Variants in DLG1 observed in about 807,000 individuals in gnomAD.
DLG1 encodes the protein disks large homolog 1.
In DLG1, 42 loss-of-function variants were observed where a neutral mutation model predicts 123.4. The ratio of observed to expected loss-of-function variants is 0.34; its 90% CI spans 0.27 to 0.44. The LOEUF is 0.44. DLG1 is among the 20% of genes least tolerant of loss of function. The pLI is 1.00. For missense variants in DLG1, 942 were observed against 1,082.6 expected (o/e 0.87, Z 1.82); for synonymous variants, 317 against 356.2 (o/e 0.89, Z 1.24).
chr3:197,284,109 C>T (rs1024810526), intron 3 of DLG1, among the ~76,000 whole-genome samples: 16 of 152,054 alleles, frequency 1.1e-4, no homozygotes, highest in African/African-American at 3.9e-4. Context: ...GATCTGCCCG[C>T]TTCAGGCTCC....
chr3:197,136,282 A>G (rs1785019160), intron 10 of DLG1: 1 of 328,126 alleles, frequency 3.0e-6, no homozygotes. Context: ...CCTAAGGATT[A>G]TGATGAAACA....
At chr3:197,290,529 A>G (rs1774311434) in intron 3 of DLG1, among the ~76,000 whole-genome samples, 5 of 152,226 alleles carry the variant, frequency 3.3e-5, no homozygotes, top group Admixed American at 3.3e-4. Context: ...CTCTGGATGT[A>G]CAGAATCCTA....
intron 7 of DLG1, among the ~76,000 whole-genome samples, chr3:197,141,365 T>TA (rs1444252969): frequency 6.6e-6 from 1 of 152,182 alleles, no homozygotes; most frequent in Non-Finnish European, 1.5e-5. Context: ...TGGGAAAAGA[T>TA]AAAAAATCAA....
chr3:197,224,968 T>G (rs1438124007), intron 4 of DLG1, among the ~76,000 whole-genome samples: 1 of 152,248 alleles, frequency 6.6e-6, no homozygotes, highest in Non-Finnish European at 1.5e-5. Flanking sequence ...TTATTGTTGC[T>G]GTTGTTGAGA....
chr3:197,236,591 A>G (rs955555577), intron 4 of DLG1, among the ~76,000 whole-genome samples: 1 of 152,230 alleles, frequency 6.6e-6, no homozygotes, highest in African/African-American at 2.4e-5. Context: ...TATGGGACTC[A>G]ACGCCCAATC....
chr3:197,221,228 A>G (rs73088408), intron 4 of DLG1, among the ~76,000 whole-genome samples: 2,438 of 152,298 alleles, frequency 0.016, 68 homozygotes, highest in African/African-American at 0.054. Context: ...ATAAAGAAAC[A>G]TAACAGGGAC....
chr3:197,085,936 G>A (rs991881311), intron 15 of DLG1, among the ~76,000 whole-genome samples, 180 bp from the exon 16 acceptor site: 1 of 150,662 alleles, frequency 6.6e-6, no homozygotes, highest in Non-Finnish European at 1.5e-5. Context: ...AAATCAACTT[G>A]CTATGAAAAT....
At chr3:197,106,935 G>A (rs889072954) in intron 13 of DLG1, among the ~76,000 whole-genome samples, 4 of 151,982 alleles carry the variant, frequency 2.6e-5, no homozygotes, top group Middle Eastern at 3.4e-3. Flanking sequence ...TGGTATATTT[G>A]CAAGTCTGTG....
intron 4 of DLG1, among the ~76,000 whole-genome samples, chr3:197,232,660 C>A (rs1409689096): frequency 6.6e-6 from 1 of 151,142 alleles, no homozygotes. Context: ...ATTTGTTCAA[C>A]AAATGGTATT....
In DLG1 at chr3:197,112,361, T is replaced by C. The variant is rs1006114193; in HGVS notation, c.1443+3566A>G. On this transcript the variant is annotated intron_variant, in intron 13 of 24. Coordinates refer to ENST00000667157, the MANE Select transcript of DLG1 (RefSeq NM_001366207.1). ...ACAAACCTCTTCATTCACTGCGGTT[T>C]GTGCACTTCTCTGATGCCTAATGTT... 2.6e-5 allele frequency among the ~76,000 whole-genome samples: 4 copies of C among 152,334 alleles called. No homozygotes were observed. In the East Asian group the frequency reaches 7.7e-4, roughly 29 times the overall value.
chr3:197,089,197 T>C (rs556668073), intron 15 of DLG1, among the ~76,000 whole-genome samples: 2 of 152,204 alleles, frequency 1.3e-5, no homozygotes, highest in Non-Finnish European at 2.9e-5. Context: ...CCGGTGACAG[T>C]TGTTTTTCAT....
intron 4 of DLG1, among the ~76,000 whole-genome samples, chr3:197,263,047 C>G (rs1760137573): frequency 2.2e-5 from 3 of 135,560 alleles, no homozygotes; most frequent in Non-Finnish European, 3.3e-5. Context: ...GCTCATAACT[C>G]CCTAAATAAA....
At chr3:197,225,795 T>C (rs914185225) in intron 4 of DLG1, 6 of 152,638 alleles carry the variant, frequency 3.9e-5, no homozygotes, top group African/African-American at 1.4e-4. Context: ...ATTACATTTC[T>C]TTGCTGAAAT....
chr3:197,065,769 T>C lies in DLG1; in HGVS notation c.2139A>G (p.Lys713=). 2 of 1,612,002 alleles carry C rather than the reference T, an allele frequency of 1.2e-6. No individual in the cohort carries two copies. The highest frequency in any genetic ancestry group is 8.5e-7 in the Non-Finnish European group (1 of 1,178,552). Reference sequence around the variant, plus strand: ...AGATCAAGTCATCATTTATCCTGTCTTTCATAGGTCCCAATATGATCACTG... The same window carrying C: ...AGATCAAGTCATCATTTATCCTGTCCTTCATAGGTCCCAATATGATCACTG... ...TRPVIILGPM[K]DRINDDLISE... is the part of the protein sequence containing the mutation. Residue 713 remains lysine (K), a synonymous_variant, in exon 21 of 25, where the codon AAA becomes AAG. Transcript: ENST00000667157.
At chr3:197,213,801 T>A (rs1050174320) in intron 4 of DLG1, among the ~76,000 whole-genome samples, 1 of 152,220 alleles carries the variant, frequency 6.6e-6, no homozygotes, top group Non-Finnish European at 1.5e-5. Context: ...TCTATAATAA[T>A]GTTTTTGCAA....
At chr3:197,151,956 C>CT (rs879259984) in intron 5 of DLG1, among the ~76,000 whole-genome samples, 1 of 152,166 alleles carries the variant, frequency 6.6e-6, no homozygotes, top group Non-Finnish European at 1.5e-5. Flanking sequence ...TATCCTTGCC[C>CT]TTTTACTGCC....
At position 197,191,653 on chromosome 3, in the gene DLG1, A is replaced by C. The variant is rs374732715; in HGVS notation, c.483+2772T>G. Among the ~76,000 whole-genome samples, 167 of 152,360 alleles carry C rather than the reference A, an allele frequency of 1.1e-3. 4 individuals are homozygous for C. The South Asian group carries it at 0.031, about 28-fold the overall frequency. On this transcript the variant is annotated intron_variant, in intron 5 of 24. Transcript: ENST00000667157. ...TAAATAAATTAGATTAACTCAATCA[A>C]GATAAAAGCAGGCTGACAAGAACAG...
At chr3:197,075,317 C>CA (rs58384491) in intron 18 of DLG1, among the ~76,000 whole-genome samples, 9,711 of 89,622 alleles carry the variant, frequency 0.11, 512 homozygotes, top group Admixed American at 0.15. Flanking sequence ...ATAACTTTCT[C>CA]AAAAAAAAAA....
intron 11 of DLG1, among the ~76,000 whole-genome samples, chr3:197,124,606 C>T (rs1778091355): frequency 6.6e-6 from 1 of 151,942 alleles, no homozygotes; most frequent in Non-Finnish European, 1.5e-5. Context: ...ATTATGTTGC[C>T]CAGGCTGGAG....
Sources: gnomAD v4.1 joint callset for allele counts (sites outside exome capture counted in the v4.1 genomes callset) on GRCh38, gnomAD v4.1.1 for gene constraint, MANE v1.5 for transcripts, NCBI Gene and HGNC (gene_info 2026-07-23, HGNC 2026-07-21) for gene names.